The following PIK3C2G variants were observed in gnomAD, a reference collection of about 807,000 sequenced individuals.
PIK3C2G encodes the protein phosphatidylinositol 3-kinase C2 domain-containing subunit gamma.
Under a neutral mutation model 181.1 loss-of-function variants are expected in PIK3C2G, and 168 were observed. The ratio of observed to expected loss-of-function variants is 0.93; its 90% CI spans 0.82 to 1.05. The LOEUF (loss-of-function observed/expected upper bound fraction) is 1.05. PIK3C2G is among the 50% of genes least tolerant of loss of function. The pLI is 0.00. For missense variants in PIK3C2G, 1,869 were observed against 1,732.8 expected, an observed-to-expected ratio of 1.08 and a Z score of -1.40; for synonymous variants, 573 against 592.2, an observed-to-expected ratio of 0.97 and a Z score of 0.47.
At chr12:18,293,472 G>C (rs976766117) in intron 4 of PIK3C2G, among the ~76,000 whole-genome samples, 2 of 152,054 alleles carry the variant, frequency 1.3e-5, no homozygotes. Flanking sequence ...TTATCTTGCT[G>C]ATACCCTTAG....
chr12:18,252,212 C>T (rs950448046), intron 1 of PIK3C2G, among the ~76,000 whole-genome samples: 8 of 152,216 alleles, frequency 5.3e-5, no homozygotes, highest in Non-Finnish European at 8.8e-5. Flanking sequence ...AGAACTAATA[C>T]GGTGCAAATC....
At position 18,609,575 on chromosome 12, in the gene PIK3C2G, C is replaced by A; in HGVS notation, c.4128C>A (p.Val1376=). The A allele has an allele frequency of 6.3e-7, 1 of 1,588,798 alleles. No individual in the cohort carries two copies. The highest frequency in any genetic ancestry group is 8.6e-7 in the Non-Finnish European group (1 of 1,165,930). The part of the protein sequence containing the change: ...FPDKKPKVQL[V]ISYEDVKLTI... ...ACAAGAAGCCTAAGGTGCAGTTAGTCATATCCTACGAGGATGTGAAGCTGA... is the reference window on the plus strand; with the variant it reads ...ACAAGAAGCCTAAGGTGCAGTTAGTAATATCCTACGAGGATGTGAAGCTGA... The change falls in exon 31 of 33, where the codon GTC becomes GTA. Residue 1376 remains valine (V), a synonymous_variant. Coordinates refer to ENST00000538779, the MANE Select transcript of PIK3C2G (RefSeq NM_001288772.2).
intron 20 of PIK3C2G, among the ~76,000 whole-genome samples, chr12:18,492,805 G>A (rs926023989): frequency 2.6e-5 from 4 of 152,066 alleles, no homozygotes; most frequent in Non-Finnish European, 5.9e-5. Context: ...CAGGTGCACC[G>A]GCTGGGCCAG....
chr12:18,289,912 C>A (rs1162995890), intron 3 of PIK3C2G, among the ~76,000 whole-genome samples: 1 of 152,046 alleles, frequency 6.6e-6, no homozygotes, highest in South Asian at 2.1e-4. Context: ...TTCATATTCA[C>A]CCTCAGAAAC....
chr12:18,686,096 G>A, the PIK3C2G span, among the ~76,000 whole-genome samples: 17 of 152,058 alleles, frequency 1.1e-4, no homozygotes, highest in East Asian at 1.9e-4. Flanking sequence ...CCATCTGGAC[G>A]TTGACTTCTG....
rs75699530 is a variant in PIK3C2G at position 18,438,203 on chromosome 12, C to T, written c.2504+14164C>T. ...AACCTGAATTCAATGTATTTATTAA[C>T]AATTATTTATTCTTAGACATAATTG... On this transcript the variant is annotated intron_variant, in intron 18 of 32. Coordinates refer to ENST00000538779, the MANE Select transcript of PIK3C2G (RefSeq NM_001288772.2). Among the ~76,000 whole-genome samples, 1,064 of 151,948 alleles carry T rather than the reference C, an allele frequency of 7.0e-3. 6 individuals are homozygous for T. Among genetic ancestry groups the T allele is most frequent in the African/African-American group, 0.019 (781 of 41,504 alleles).
intron 5 of PIK3C2G, among the ~76,000 whole-genome samples, chr12:18,303,162 T>G (rs1950272989): frequency 7.0e-6 from 1 of 142,784 alleles, no homozygotes; most frequent in Non-Finnish European, 1.5e-5. Flanking sequence ...CTTCTTTCTC[T>G]TTCTTTCTTT....
At chr12:18,308,390 T>C (rs966332426) in intron 5 of PIK3C2G, among the ~76,000 whole-genome samples, 4 of 151,608 alleles carry the variant, frequency 2.6e-5, no homozygotes, top group Non-Finnish European at 1.5e-5. Flanking sequence ...TGTCCATAAA[T>C]TATCTCTCTA....
At chr12:18,323,697 C>G (rs1292881358) in intron 7 of PIK3C2G, among the ~76,000 whole-genome samples, 2 of 151,914 alleles carry the variant, frequency 1.3e-5, no homozygotes, top group Non-Finnish European at 2.9e-5. Flanking sequence ...CCCTGCCTGC[C>G]CTCCTCAGAA....
intron 1 of PIK3C2G, among the ~76,000 whole-genome samples, chr12:18,262,989 CTG>C (rs1482870236): frequency 6.6e-6 from 1 of 152,178 alleles, no homozygotes; most frequent in East Asian, 1.9e-4. Flanking sequence ...TCCATTTTAA[CTG>C]TTATCAGTTC....
intron 1 of PIK3C2G, among the ~76,000 whole-genome samples, chr12:18,273,474 A>G (rs997569306): frequency 3.9e-5 from 6 of 152,078 alleles, no homozygotes; most frequent in Admixed American, 3.3e-4. Context: ...TTGGTTCCAT[A>G]TGAACTTTAA....
At chr12:18,259,034 G>A (rs953860342), upstream of PIK3C2G, among the ~76,000 whole-genome samples, 1 of 152,066 alleles carries the variant, frequency 6.6e-6, no homozygotes, top group Non-Finnish European at 1.5e-5. Context: ...AAATATTCAA[G>A]TAGCTGCATT....
intron 6 of PIK3C2G, among the ~76,000 whole-genome samples, chr12:18,320,563 C>G (rs1951063849): frequency 6.6e-6 from 1 of 152,222 alleles, no homozygotes; most frequent in African/African-American, 2.4e-5. Flanking sequence ...GATTATGTGT[C>G]TGCCCGCCCA....
chr12:18,262,096 G>A (rs1452921523), intron 1 of PIK3C2G, among the ~76,000 whole-genome samples: 1 of 152,022 alleles, frequency 6.6e-6, no homozygotes, highest in Non-Finnish European at 1.5e-5. Flanking sequence ...TCCTGCTAGG[G>A]AGAAGCTCTG....
chr12:18,372,515 A>C (rs1257577916), intron 13 of PIK3C2G: 2 of 152,208 alleles, frequency 1.3e-5, no homozygotes, highest in Non-Finnish European at 2.9e-5. Context: ...TTGTATGCTA[A>C]GAACTTTATT....
At position 18,598,160 on chromosome 12, in the gene PIK3C2G, T is replaced by C. The variant is rs191065850; in HGVS notation, c.4087+3591T>C. Among the ~76,000 whole-genome samples, 419 of 152,118 alleles carry C rather than the reference T, an allele frequency of 2.8e-3. 6 individuals are homozygous for C. The highest frequency in any genetic ancestry group is 9.6e-3 in the African/African-American group (399 of 41,450). ...TTGGAAACAACTACTTTAAAGTTCA[T>C]ATGGAACCAAAAAAGAGCCCGCGTT... is the stretch of plus-strand genomic sequence containing the variant. On this transcript the variant is annotated intron_variant, in intron 30 of 32. Transcript: ENST00000538779.
downstream of PIK3C2G, among the ~76,000 whole-genome samples, chr12:18,653,367 A>T (rs907974654): frequency 1.3e-5 from 2 of 152,198 alleles, no homozygotes; most frequent in Non-Finnish European, 2.9e-5. Flanking sequence ...CAAATGTTAC[A>T]AATTTATGTA....
At chr12:18,457,116 G>C (rs1947672085) in intron 18 of PIK3C2G, among the ~76,000 whole-genome samples, 1 of 152,118 alleles carries the variant, frequency 6.6e-6, no homozygotes, top group Non-Finnish European at 1.5e-5. Flanking sequence ...GAAACTGGCT[G>C]GGAGGAGACA....
the PIK3C2G span, among the ~76,000 whole-genome samples, chr12:18,691,552 G>A: frequency 1.3e-5 from 2 of 152,108 alleles, no homozygotes; most frequent in African/African-American, 4.8e-5. Flanking sequence ...AAGTAAAAAT[G>A]ACAATCACTT....
Sources: gnomAD v4.1 joint callset for allele counts (sites outside exome capture counted in the v4.1 genomes callset) on GRCh38, gnomAD v4.1.1 for gene constraint, MANE v1.5 for transcripts, NCBI Gene and HGNC (gene_info 2026-07-23, HGNC 2026-07-21) for gene names.